The following TAS2R1 variants were observed in gnomAD, a reference collection of about 807,000 sequenced individuals.
The protein encoded by TAS2R1 is taste receptor type 2 member 1.
For synonymous variants in TAS2R1, 141 were observed against 134.2 expected (o/e 1.05, Z -0.35); for missense variants, 370 against 353.4 (o/e 1.05, Z -0.38).
the TAS2R1 span, among the ~76,000 whole-genome samples, chr5:9,873,446 A>C: frequency 6.6e-6 from 1 of 151,610 alleles, no homozygotes; most frequent in Non-Finnish European, 1.5e-5. Context: ...TATTGCACAG[A>C]ATATTTCAAA....
chr5:9,687,452 C>A (rs1741150686), intron 1 of TAS2R1, among the ~76,000 whole-genome samples: 1 of 152,134 alleles, frequency 6.6e-6, no homozygotes, highest in Non-Finnish European at 1.5e-5. Context: ...ACCAATACAC[C>A]AAAATATGGG....
chr5:9,854,563 A>G, the TAS2R1 span: 1 of 152,194 alleles, frequency 6.6e-6, no homozygotes, highest in African/African-American at 2.4e-5. Flanking sequence ...ATGAGACTCA[A>G]GATTCAATAA....
intron 1 of TAS2R1, among the ~76,000 whole-genome samples, chr5:9,708,600 T>C (rs1022053368): frequency 7.8e-6 from 1 of 128,654 alleles, no homozygotes. Context: ...AATGGTCTCT[T>C]TTTTTTTTTC....
intron 1 of TAS2R1, among the ~76,000 whole-genome samples, chr5:9,702,206 A>C (rs1391547972): frequency 6.6e-6 from 1 of 152,232 alleles, no homozygotes; most frequent in African/African-American, 2.4e-5. Flanking sequence ...ACAATTTTGC[A>C]TGTGTGGGTG....
intron 1 of TAS2R1, among the ~76,000 whole-genome samples, chr5:9,695,535 T>C (rs1041762438): frequency 1.3e-5 from 2 of 151,822 alleles, no homozygotes; most frequent in Non-Finnish European, 2.9e-5. Context: ...ATTTTGAAGA[T>C]CTGAAGATGG....
the TAS2R1 span, among the ~76,000 whole-genome samples, chr5:9,729,974 A>C: frequency 6.6e-6 from 1 of 152,302 alleles, no homozygotes; most frequent in Non-Finnish European, 1.5e-5. Flanking sequence ...ATGGTAGATA[A>C]AGGGGGCAAG....
At chr5:9,773,969 C>T in the TAS2R1 span, among the ~76,000 whole-genome samples, 4 of 152,108 alleles carry the variant, frequency 2.6e-5, no homozygotes, top group Non-Finnish European at 5.9e-5. Context: ...TGTACATTTG[C>T]AAAATTTTCT....
chr5:9,735,362 T>C, the TAS2R1 span, among the ~76,000 whole-genome samples: 1 of 151,564 alleles, frequency 6.6e-6, no homozygotes. Context: ...AAAAAATTTA[T>C]GAGTTTTTTA....
At chr5:9,659,657 T>C (rs908983832) in intron 1 of TAS2R1, 1 of 152,042 alleles carries the variant, frequency 6.6e-6, no homozygotes, top group Admixed American at 6.6e-5. Context: ...GGCGTGAACA[T>C]TTTTATTAGG....
chr5:9,892,603 C>T, the TAS2R1 span, among the ~76,000 whole-genome samples: 1 of 152,122 alleles, frequency 6.6e-6, no homozygotes, highest in Admixed American at 6.5e-5. Flanking sequence ...CGCTATGCTG[C>T]CAAGACTGAG....
chr5:9,724,691 T>C, the TAS2R1 span, among the ~76,000 whole-genome samples: 1 of 152,210 alleles, frequency 6.6e-6, no homozygotes, highest in African/African-American at 2.4e-5. Context: ...ACTTCATTTC[T>C]TCAACAAATA....
chr5:9,831,551 T>A, the TAS2R1 span, among the ~76,000 whole-genome samples: 2 of 151,952 alleles, frequency 1.3e-5, no homozygotes, highest in Non-Finnish European at 2.9e-5. Flanking sequence ...GTATGGGGGA[T>A]GCAATTACGT....
At chr5:9,721,420 G>A in the TAS2R1 span, among the ~76,000 whole-genome samples, 1 of 152,226 alleles carries the variant, frequency 6.6e-6, no homozygotes, top group Non-Finnish European at 1.5e-5. Context: ...CATCTGGGAA[G>A]TATGGCCAAT....
the TAS2R1 span, among the ~76,000 whole-genome samples, chr5:9,822,566 C>G: frequency 5.5e-4 from 83 of 152,058 alleles, 3 homozygotes; most frequent in South Asian, 0.016. Flanking sequence ...AGCCAGGATG[C>G]TCTCGATCTT....
At chr5:9,814,035 A>G in the TAS2R1 span, among the ~76,000 whole-genome samples, 1 of 152,164 alleles carries the variant, frequency 6.6e-6, no homozygotes, top group Non-Finnish European at 1.5e-5. Flanking sequence ...ACACTCCACT[A>G]TTCTTTTCTT....
chr5:9,674,703 A>G (rs1173580265), intron 1 of TAS2R1, among the ~76,000 whole-genome samples: 1 of 152,150 alleles, frequency 6.6e-6, no homozygotes, highest in Admixed American at 6.6e-5. Context: ...TTTCTTAATT[A>G]TACTACTTTC....
intron 2 of TAS2R1, chr5:9,642,017 G>A (rs1013762265): frequency 6.6e-6 from 1 of 152,170 alleles, no homozygotes; most frequent in African/African-American, 2.4e-5. Context: ...TCATCTTAAT[G>A]AGCAATCATT....
At chr5:9,770,644 T>G in the TAS2R1 span, among the ~76,000 whole-genome samples, 1 of 152,206 alleles carries the variant, frequency 6.6e-6, no homozygotes, top group Non-Finnish European at 1.5e-5. Context: ...CCTAGGTATT[T>G]AATTTCATTT....
the TAS2R1 span, among the ~76,000 whole-genome samples, chr5:9,881,291 A>G: frequency 6.6e-6 from 1 of 152,148 alleles, no homozygotes; most frequent in Non-Finnish European, 1.5e-5. Flanking sequence ...AACACAGGGA[A>G]TACAGCTAAC....
Sources: allele counts gnomAD v4.1 joint callset (sites outside exome capture counted in the v4.1 genomes callset), GRCh38; gene constraint gnomAD v4.1.1; transcripts MANE v1.5; gene names NCBI Gene and HGNC (gene_info 2026-07-23, HGNC 2026-07-21).